Variants in RAVER2 observed in about 807,000 individuals in gnomAD.
The protein encoded by RAVER2 is ribonucleoprotein PTB-binding 2.
Under a neutral mutation model 78.1 loss-of-function variants are expected in RAVER2, and 46 were observed. The observed-to-expected ratio is 0.59, with a 90% confidence interval of 0.46 to 0.75. The LOEUF (loss-of-function observed/expected upper bound fraction) is 0.75. Among genes scored for constraint, RAVER2 ranks in the 30% least tolerant of loss-of-function variants. The pLI is 0.00. For missense variants in RAVER2, 793 were observed against 837.5 expected (o/e 0.95, Z 0.66); for synonymous variants, 311 against 313.3 (o/e 0.99, Z 0.08).
At chr1:64,798,807 CAT>C (rs1191893214) in intron 5 of RAVER2, among the ~76,000 whole-genome samples, 1 of 152,074 alleles carries the variant, frequency 6.6e-6, no homozygotes, top group Non-Finnish European at 1.5e-5. Flanking sequence ...TTTTAATTGA[CAT>C]GTAATAATTA....
At chr1:64,759,282 C>T (rs12127031) in intron 1 of RAVER2, among the ~76,000 whole-genome samples, 23,319 of 151,564 alleles carry the variant, frequency 0.15, 2,210 homozygotes, top group African/African-American at 0.26. Flanking sequence ...TGCAGTGGCG[C>T]GATCTTGGCT....
intron 10 of RAVER2, 22 bp downstream of exon 10, chr1:64,812,871 T>C: frequency 6.6e-7 from 1 of 1,510,270 alleles, no homozygotes; most frequent in Non-Finnish European, 9.0e-7. Context: ...CTCAGTATTC[T>C]TGTTGTGGAG....
intron 5 of RAVER2, among the ~76,000 whole-genome samples, chr1:64,790,724 G>A (rs748500319): frequency 5.9e-5 from 9 of 152,096 alleles, no homozygotes; most frequent in Admixed American, 6.6e-5. Context: ...GGAACATATC[G>A]CTCGCTGATA....
At chr1:64,832,064 A>G (rs1654155557) in exon 12 of RAVER2, 1 of 152,618 alleles carries the variant, frequency 6.6e-6, no homozygotes, top group Non-Finnish European at 1.5e-5. Context: ...TTTAGCCTTT[A>G]GACAGACTTG....
chr1:64,798,618 ACTT>A (rs1653169234), intron 5 of RAVER2, among the ~76,000 whole-genome samples: 1 of 152,094 alleles, frequency 6.6e-6, no homozygotes, highest in Non-Finnish European at 1.5e-5. Flanking sequence ...GAGGGAAGAG[ACTT>A]CTATTAATCT....
At chr1:64,764,356 A>C (rs76798522) in intron 1 of RAVER2, among the ~76,000 whole-genome samples, 2 of 151,922 alleles carry the variant, frequency 1.3e-5, no homozygotes, top group Non-Finnish European at 2.9e-5. Context: ...AAAAAAAAAA[A>C]CTATTTTCCC....
intron 11 of RAVER2, among the ~76,000 whole-genome samples, chr1:64,829,418 G>A (rs1330506603): frequency 6.6e-6 from 1 of 152,210 alleles, no homozygotes; most frequent in Non-Finnish European, 1.5e-5. Context: ...GTCTGATGGT[G>A]TTAGTGGCTG....
At position 64,784,369 on chromosome 1, in the gene RAVER2, C is replaced by G. The variant is rs369473162; in HGVS notation, c.978+2798C>G. ...TCCAGCCTGGGTGACAAAGTAAGAC[C>G]TTGTCTCAAAAACAAAGCAAAACAA... On this transcript the variant is annotated intron_variant, in intron 4 of 11. Coordinates refer to ENST00000294428, the Ensembl canonical transcript of RAVER2. Among the ~76,000 whole-genome samples, 17 of 152,272 alleles carry G rather than the reference C, an allele frequency of 1.1e-4. No individual in the cohort carries two copies. In the East Asian group the frequency reaches 1.9e-3, roughly 17 times the overall value.
At chr1:64,794,225 C>T (rs1220433232) in intron 5 of RAVER2, among the ~76,000 whole-genome samples, 3 of 151,738 alleles carry the variant, frequency 2.0e-5, no homozygotes, top group Admixed American at 6.6e-5. Context: ...GGTGAAACCC[C>T]GTTTCTACTA....
exon 11 of RAVER2, chr1:64,814,715 A>C: frequency 6.8e-7 from 1 of 1,471,686 alleles, no homozygotes; most frequent in Non-Finnish European, 9.1e-7. Flanking sequence ...CCCTGCAAGT[A>C]AAACCACTCT....
At chr1:64,776,345 C>T (rs1237692333) in intron 2 of RAVER2, among the ~76,000 whole-genome samples, 1 of 152,092 alleles carries the variant, frequency 6.6e-6, no homozygotes, top group African/African-American at 2.4e-5. Flanking sequence ...TTAGCTGTTC[C>T]TTTGGCAATA....
intron 11 of RAVER2, among the ~76,000 whole-genome samples, chr1:64,826,861 G>C (rs1227129509): frequency 6.6e-6 from 1 of 152,276 alleles, no homozygotes; most frequent in East Asian, 1.9e-4. Flanking sequence ...GCTGGAGTCA[G>C]TGGGGTATAC....
rs149037162 is a variant in RAVER2, at chr1:64,753,260, G to A, written c.249+7839G>A. 2.8e-3 allele frequency among the ~76,000 whole-genome samples: 426 copies of A among 152,172 alleles called. 1 individual carries two copies. The highest frequency in any genetic ancestry group is 5.1e-3 in the Non-Finnish European group (348 of 68,010). On this transcript the variant is annotated intron_variant, in intron 1 of 11. Transcript: ENST00000294428. ...TCTAGAGAGGGGATTTTGCCATGTTGCTCAGGCTGGTCCCAAACTCCTAGG... is the reference window on the plus strand; with the variant it reads ...TCTAGAGAGGGGATTTTGCCATGTTACTCAGGCTGGTCCCAAACTCCTAGG...
intron 11 of RAVER2, among the ~76,000 whole-genome samples, chr1:64,823,716 C>T (rs1188061436): frequency 6.6e-6 from 1 of 151,904 alleles, no homozygotes; most frequent in African/African-American, 2.4e-5. Context: ...ATATCTTAAG[C>T]ACCTTTCCAG....
At chr1:64,769,750 C>T (rs1054948327) in intron 2 of RAVER2, among the ~76,000 whole-genome samples, 2 of 152,056 alleles carry the variant, frequency 1.3e-5, no homozygotes, top group African/African-American at 4.8e-5. Context: ...CCTTCCTTAC[C>T]TTCAGCATGG....
At chr1:64,822,113 C>A (rs943352937) in intron 11 of RAVER2, among the ~76,000 whole-genome samples, 5 of 152,214 alleles carry the variant, frequency 3.3e-5, no homozygotes, top group African/African-American at 1.2e-4. Flanking sequence ...ACAGTGAGAC[C>A]CCGTCTCTAC....
chr1:64,805,797 C>G (rs1653402103), intron 8 of RAVER2, among the ~76,000 whole-genome samples: 1 of 152,120 alleles, frequency 6.6e-6, no homozygotes, highest in Non-Finnish European at 1.5e-5. Context: ...GTCCAGTGAT[C>G]AAATAACTTA....
chr1:64,830,495 A>G (rs1322830022), intron 11 of RAVER2, among the ~76,000 whole-genome samples: 1 of 152,188 alleles, frequency 6.6e-6, no homozygotes, highest in Non-Finnish European at 1.5e-5. Context: ...TCAGAGGAAT[A>G]CTGACATTCG....
At chr1:64,768,827 T>A (rs970853873) in intron 2 of RAVER2, 105 bp downstream of exon 2, 1 of 718,852 alleles carries the variant, frequency 1.4e-6, no homozygotes, top group African/African-American at 1.8e-5. Context: ...ATCATGGAAT[T>A]TTTAAGCCTT....
Sources: gnomAD v4.1 joint callset for allele counts (sites outside exome capture counted in the v4.1 genomes callset) on GRCh38, gnomAD v4.1.1 for gene constraint, MANE v1.5 for transcripts, NCBI Gene and HGNC (gene_info 2026-07-23, HGNC 2026-07-21) for gene names.